Variants in CALCRL observed in about 807,000 individuals in gnomAD.
The protein encoded by CALCRL is calcitonin receptor like receptor.
In CALCRL, 27 loss-of-function variants were observed where a neutral mutation model predicts 60.4. The observed-to-expected ratio is 0.45, with a 90% confidence interval of 0.33 to 0.62. The LOEUF is 0.62. Ranked by LOEUF, CALCRL falls within the 20% of genes least tolerant of loss-of-function variation. The probability of loss-of-function intolerance (pLI) is 0.03; values close to 1 mark genes in which losing one functional copy is unlikely to be tolerated. For synonymous variants in CALCRL, 190 were observed against 182.6 expected (o/e 1.04, Z -0.33); for missense variants, 424 against 540.7 (o/e 0.78, Z 2.14).
At chr2:187,395,954 GA>G (rs1468788050) in intron 1 of CALCRL, among the ~76,000 whole-genome samples, 1 of 151,748 alleles carries the variant, frequency 6.6e-6, no homozygotes. Context: ...TTGTTATACA[GA>G]AACAGTTTTT....
chr2:187,377,941 T>C (rs1455247864), intron 8 of CALCRL, among the ~76,000 whole-genome samples: 1 of 151,904 alleles, frequency 6.6e-6, no homozygotes, highest in Non-Finnish European at 1.5e-5. Flanking sequence ...GGTATTAAAA[T>C]TATAGGTATA....
intron 1 of CALCRL, among the ~76,000 whole-genome samples, chr2:187,436,152 A>G (rs2105901476): frequency 6.6e-6 from 1 of 152,274 alleles, no homozygotes; most frequent in Non-Finnish European, 1.5e-5. Flanking sequence ...CATGCGTCCT[A>G]CTTACTGACT....
intron 1 of CALCRL, 33 bp downstream of exon 1, chr2:187,448,005 AG>A (rs1691272937): frequency 6.6e-6 from 1 of 152,160 alleles, no homozygotes; most frequent in South Asian, 2.1e-4. Flanking sequence ...AATACTACTT[AG>A]AATAAATATA....
chr2:187,350,413 AT>A (rs1018721297), intron 14 of CALCRL, among the ~76,000 whole-genome samples: 1 of 150,198 alleles, frequency 6.7e-6, no homozygotes, highest in Non-Finnish European at 1.5e-5. Context: ...TGATTTATCT[AT>A]TTTTTGTAAC....
In CALCRL at chr2:187,363,423, G is replaced by A; in HGVS notation, c.580C>T (p.His194Tyr). The A allele has an allele frequency of 1.9e-6, 3 of 1,612,764 alleles. No homozygotes were observed. The highest frequency in any genetic ancestry group is 2.5e-6 in the Non-Finnish European group (3 of 1,179,322). ...TGGTTGTTGGCCACTGCAGTGAGGTGAATGATTGTTACAACAGAGTTACAA... is the reference window on the plus strand; with the variant it reads ...TGGTTGTTGGCCACTGCAGTGAGGTAAATGATTGTTACAACAGAGTTACAA... ...FVCNSVVTII[H>Y]LTAVANNQAL... The change falls in exon 9 of 15, where the codon CAC becomes TAC. Residue 194 changes from histidine to tyrosine, a missense_variant. Coordinates refer to ENST00000392370, the MANE Select transcript of CALCRL (RefSeq NM_005795.6).
chr2:187,422,187 G>A (rs1054948882), intron 1 of CALCRL, among the ~76,000 whole-genome samples: 1 of 152,240 alleles, frequency 6.6e-6, no homozygotes, highest in Middle Eastern at 3.4e-3. Flanking sequence ...TAAAAAATTA[G>A]TGTTTCTAGA....
intron 10 of CALCRL, among the ~76,000 whole-genome samples, chr2:187,359,682 G>A (rs1686962926): frequency 6.6e-6 from 1 of 152,056 alleles, no homozygotes; most frequent in Non-Finnish European, 1.5e-5. Context: ...CTTCCACTAT[G>A]AGAGAGATTA....
rs1051821714 is a variant in CALCRL at position 187,387,665 on chromosome 2, C to T, written c.-202+1G>A. On this transcript the variant is annotated splice_donor_variant, in intron 2 of 14. Transcript: ENST00000392370. LOFTEE classifies it low-confidence loss of function (5UTR_SPLICE). ...AGAAAATTTAATTTCCCAATACTTA[C>T]ATGCACAATTGTCTCCAGTCTCAAA... The T allele has an allele frequency of 2.5e-5, 10 of 396,600 alleles. No individual in the cohort carries two copies. Among genetic ancestry groups the T allele is most frequent in the Admixed American group, 8.8e-5 (2 of 22,658 alleles). The allele number at this position is 396,600 out of a possible 1,614,324, so 24.6% of individuals were successfully genotyped here.
chr2:187,446,112 A>T (rs1691169661), intron 1 of CALCRL, among the ~76,000 whole-genome samples: 1 of 151,672 alleles, frequency 6.6e-6, no homozygotes, highest in Admixed American at 6.6e-5. Flanking sequence ...CATTATTCAC[A>T]TACTATTTCA....
At chr2:187,422,406 A>T (rs986834919) in intron 1 of CALCRL, among the ~76,000 whole-genome samples, 9 of 152,116 alleles carry the variant, frequency 5.9e-5, no homozygotes, top group African/African-American at 2.2e-4. Context: ...ATTCATTTCC[A>T]TTTACTATCT....
chr2:187,346,459 C>A, intron 14 of CALCRL, 60 bp from the exon 15 acceptor site: 1 of 1,241,208 alleles, frequency 8.1e-7, no homozygotes, highest in East Asian at 2.5e-5. Context: ...AATGAAGACA[C>A]TGTTTTTGAA....
At chr2:187,417,423 T>C (rs1308399736) in intron 1 of CALCRL, among the ~76,000 whole-genome samples, 1 of 152,122 alleles carries the variant, frequency 6.6e-6, no homozygotes, top group Non-Finnish European at 1.5e-5. Flanking sequence ...TATTATTGTA[T>C]AGACTTCAAT....
At chr2:187,439,504 A>C (rs1690799176) in intron 1 of CALCRL, among the ~76,000 whole-genome samples, 1 of 152,114 alleles carries the variant, frequency 6.6e-6, no homozygotes, top group African/African-American at 2.4e-5. Flanking sequence ...CAAACAAACA[A>C]AAAACCAACA....
chr2:187,362,303 T>TA (rs2105731793), intron 9 of CALCRL, among the ~76,000 whole-genome samples: 1 of 152,186 alleles, frequency 6.6e-6, no homozygotes, highest in South Asian at 2.1e-4. Flanking sequence ...AAATTCACTC[T>TA]AAAATGGCAG....
At chr2:187,437,152 C>A (rs1209763557) in intron 1 of CALCRL, among the ~76,000 whole-genome samples, 1 of 152,148 alleles carries the variant, frequency 6.6e-6, no homozygotes, top group East Asian at 1.9e-4. Context: ...AGACCTGAAA[C>A]AAAATGCATT....
chr2:187,416,662 G>A (rs963424303), intron 1 of CALCRL, among the ~76,000 whole-genome samples: 1 of 152,110 alleles, frequency 6.6e-6, no homozygotes, highest in Non-Finnish European at 1.5e-5. Flanking sequence ...ATGGTCTGTG[G>A]TATGAAATTA....
chr2:187,377,978 G>A (rs1408353203), intron 8 of CALCRL, among the ~76,000 whole-genome samples: 1 of 151,778 alleles, frequency 6.6e-6, no homozygotes, highest in Non-Finnish European at 1.5e-5. Context: ...AAAATTAGTA[G>A]AAGAAGGAAG....
chr2:187,446,193 G>A (rs1691172807), intron 1 of CALCRL, among the ~76,000 whole-genome samples: 1 of 151,536 alleles, frequency 6.6e-6, no homozygotes. Flanking sequence ...ATGCTACAAG[G>A]AAACATCTTC....
chr2:187,364,507 A>G (rs193297142), intron 8 of CALCRL, among the ~76,000 whole-genome samples: 1 of 152,002 alleles, frequency 6.6e-6, no homozygotes, highest in Admixed American at 6.6e-5. Context: ...TGGTCAACCT[A>G]TATAATCCAC....
Sources: gnomAD v4.1 joint callset for allele counts (sites outside exome capture counted in the v4.1 genomes callset) on GRCh38, gnomAD v4.1.1 for gene constraint, MANE v1.5 for transcripts, NCBI Gene and HGNC (gene_info 2026-07-23, HGNC 2026-07-21) for gene names.